Variants in MED15 observed in about 807,000 individuals in gnomAD.
The protein encoded by MED15 is mediator of RNA polymerase II transcription subunit 15.
Under a neutral mutation model 118.7 loss-of-function variants are expected in MED15, and 41 were observed. The ratio of observed to expected loss-of-function variants is 0.35; its 90% CI spans 0.27 to 0.45. The LOEUF is 0.45. Among genes scored for constraint, MED15 ranks in the 20% least tolerant of loss-of-function variants. The pLI is 1.00. For missense variants in MED15, 740 were observed against 1,025.5 expected (o/e 0.72, Z 3.80); for synonymous variants, 436 against 413.9 (o/e 1.05, Z -0.65).
chr22:20,548,146 ATTTG>A (rs2055626575), intron 2 of MED15, among the ~76,000 whole-genome samples: 1 of 150,574 alleles, frequency 6.6e-6, no homozygotes, highest in Non-Finnish European at 1.5e-5. Flanking sequence ...CCTAGCTTTG[ATTTG>A]TTTTTTTTGT....
intron 9 of MED15, among the ~76,000 whole-genome samples, chr22:20,579,097 TTC>T (rs1384333416): frequency 1.1e-4 from 16 of 152,230 alleles, no homozygotes; most frequent in Non-Finnish European, 2.2e-4. Flanking sequence ...GGCAGTGTCT[TTC>T]TCACTAGGGG....
chr22:20,577,792 G>A (rs775600146), intron 9 of MED15, among the ~76,000 whole-genome samples: 25 of 151,988 alleles, frequency 1.6e-4, no homozygotes, highest in Non-Finnish European at 3.2e-4. Flanking sequence ...GAGGACAAAC[G>A]CGGCAGCATT....
intron 2 of MED15, among the ~76,000 whole-genome samples, chr22:20,537,695 A>C (rs751874813): frequency 6.6e-6 from 1 of 152,248 alleles, no homozygotes; most frequent in Non-Finnish European, 1.5e-5. Flanking sequence ...GATTTCCACT[A>C]TATGTGGGCT....
chr22:20,555,906 A>G (rs73159109), intron 5 of MED15, among the ~76,000 whole-genome samples: 17,168 of 152,234 alleles, frequency 0.11, 1,285 homozygotes, highest in Non-Finnish European at 0.15. Context: ...TATTTTTTGT[A>G]GAGATGGGAC....
At chr22:20,566,231 G>T (rs966906745) in intron 6 of MED15, among the ~76,000 whole-genome samples, 4 of 152,126 alleles carry the variant, frequency 2.6e-5, no homozygotes, top group African/African-American at 9.6e-5. Context: ...GTAGAGACGG[G>T]GTTTCGCCAG....
intron 5 of MED15, among the ~76,000 whole-genome samples, chr22:20,560,650 G>T (rs1001979737): frequency 2.6e-5 from 4 of 152,130 alleles, no homozygotes; most frequent in Non-Finnish European, 4.4e-5. Flanking sequence ...CTCTGCCTTG[G>T]CTATCCAAAG....
intron 8 of MED15, among the ~76,000 whole-genome samples, chr22:20,568,840 C>T (rs968918251): frequency 7.9e-5 from 12 of 152,128 alleles, no homozygotes; most frequent in African/African-American, 2.7e-4. Flanking sequence ...ACCCACCAGC[C>T]GCATAGTGCG....
rs668851 is a variant in MED15, at chr22:20,565,922, G to A, written c.691-545G>A. On this transcript the variant is annotated intron_variant, in intron 6 of 17. Coordinates refer to ENST00000263205, the MANE Select transcript of MED15 (RefSeq NM_001003891.3). ...CCAGGCACACACTTGGTGCCTCCCC[G>A]GTGTCAGGAAGGCAGCTGGTGTTGG... Among the ~76,000 whole-genome samples the A allele has an allele frequency of 6.2e-3, 937 of 152,206 alleles. 10 individuals carry two copies. Among genetic ancestry groups the A allele is most frequent in the African/African-American group, 0.021 (885 of 41,526 alleles).
At chr22:20,563,353 C>G (rs2056315176) in intron 5 of MED15, among the ~76,000 whole-genome samples, 1 of 152,206 alleles carries the variant, frequency 6.6e-6, no homozygotes, top group Non-Finnish European at 1.5e-5. Context: ...ATGGAATACC[C>G]TGGCAGTACT....
chr22:20,566,767 G>T lies in MED15; in HGVS notation c.991G>T (p.Ala331Ser), dbSNP rs374474882. ...GCAGACCCAGCCTTTGGTGTCACAG[G>T]CGCAAGCTCTCCCTGGACAAATGTT... ...QSQTQPLVSQ[A>S]QALPGQMLYT... The change falls in exon 7 of 18, where the codon GCG (alanine) becomes TCG (serine). Residue 331 changes from alanine (A) to serine (S), a missense_variant. Around this residue, in one of 7 missense-constraint regions of MED15, gnomAD observed 384 missense variants for 506.3 expected, o/e 0.76. Coordinates refer to ENST00000263205, the MANE Select transcript of MED15 (RefSeq NM_001003891.3). 10 of 1,614,084 alleles carry T rather than the reference G, an allele frequency of 6.2e-6. No individual in the cohort carries two copies. Among genetic ancestry groups the T allele is most frequent in the South Asian group, 1.1e-5 (1 of 91,088 alleles).
rs184016510 is a variant in MED15 at position 20,537,252 on chromosome 22, G to A, written c.156+48G>A. 2.5e-3 allele frequency: 3,915 copies of A among 1,545,674 alleles called. 13 individuals carry two copies. The highest frequency in any genetic ancestry group is 3.3e-3 in the Non-Finnish European group (3,681 of 1,120,322). ...CACTCTGGCAGAGAGACTTGGAGAG[G>A]AGAGCATCACAGACTCTGGAACCCC... is the stretch of plus-strand genomic sequence containing the variant. On this transcript the variant is annotated intron_variant, in intron 2 of 17. Coordinates refer to ENST00000263205, the MANE Select transcript of MED15 (RefSeq NM_001003891.3).
At chr22:20,521,566 T>G (rs1027883304) in intron 1 of MED15, among the ~76,000 whole-genome samples, 29 of 146,832 alleles carry the variant, frequency 2.0e-4, no homozygotes, top group Admixed American at 1.7e-3. Flanking sequence ...TTTTTTTTTT[T>G]GTATTTTTTT....
At chr22:20,521,244 G>A (rs375321687) in intron 1 of MED15, among the ~76,000 whole-genome samples, 2 of 149,898 alleles carry the variant, frequency 1.3e-5, no homozygotes, top group Non-Finnish European at 3.0e-5. Context: ...TTACAGGCAC[G>A]TACCACCATG....
intron 8 of MED15, among the ~76,000 whole-genome samples, chr22:20,570,746 C>CTTTCTTTTTTTTTTTTT (rs1569236484): frequency 1.6e-5 from 1 of 62,068 alleles, no homozygotes. Context: ...TTCTTTCTTT[C>CTTTCTTTTTTTTTTTTT]TTTTTTTTTT....
At chr22:20,543,720 G>A (rs531580613) in intron 2 of MED15, among the ~76,000 whole-genome samples, 10 of 151,252 alleles carry the variant, frequency 6.6e-5, no homozygotes, top group Non-Finnish European at 1.3e-4. Flanking sequence ...ACCACGCCCG[G>A]CTAATTTTTG....
chr22:20,585,144 G>T lies in MED15; in HGVS notation c.2008G>T (p.Glu670Ter). ...CTRKRRLEDD[E>*]RQSIPSVLQG... Reference sequence around the variant, plus strand: ...CCGGAAGCGCAGGCTTGAGGATGATGAGCGGCAGAGCATCCCCAGTGTGCT... The same window carrying T: ...CCGGAAGCGCAGGCTTGAGGATGATTAGCGGCAGAGCATCCCCAGTGTGCT... The change falls in exon 16 of 18, where the codon GAG becomes TAG. Residue 670 changes from glutamate (E) to a stop codon, truncating the protein, a stop_gained. Coordinates refer to ENST00000263205, the MANE Select transcript of MED15 (RefSeq NM_001003891.3). LOFTEE classifies it high-confidence loss of function. 6.2e-7 allele frequency: 1 copy of T among 1,613,722 alleles called. No individual in the cohort carries two copies. The highest frequency in any genetic ancestry group is 1.1e-5 in the South Asian group (1 of 91,074).
chr22:20,521,223 A>G (rs1173547786), intron 1 of MED15, among the ~76,000 whole-genome samples: 1 of 146,176 alleles, frequency 6.8e-6, no homozygotes, highest in Non-Finnish European at 1.5e-5. Flanking sequence ...CAGCCTCCCG[A>G]TTAGCTGGGA....
At chr22:20,537,594 GGCA>G (rs1275221328) in intron 2 of MED15, among the ~76,000 whole-genome samples, 4 of 152,214 alleles carry the variant, frequency 2.6e-5, no homozygotes, top group African/African-American at 9.7e-5. Context: ...AGGGCCCTGA[GGCA>G]TGGGCCCAGA....
chr22:20,538,633 T>C (rs529143526), intron 2 of MED15, among the ~76,000 whole-genome samples: 1 of 152,320 alleles, frequency 6.6e-6, no homozygotes, highest in African/African-American at 2.4e-5. Flanking sequence ...TTATACTTTC[T>C]ACTGCTGTAG....
Sources: gnomAD v4.1 joint callset for allele counts (sites outside exome capture counted in the v4.1 genomes callset) on GRCh38, gnomAD v4.1.1 for gene constraint, gnomAD v4.1.1 regional missense constraint, MANE v1.5 for transcripts, NCBI Gene and HGNC (gene_info 2026-07-23, HGNC 2026-07-21) for gene names.